Variants in RHOBTB1 observed in about 807,000 individuals in gnomAD.
RHOBTB1 encodes rho-related BTB domain-containing protein 1.
RHOBTB1 carries 40 observed loss-of-function variants against 71.6 expected under a neutral mutation model. The ratio of observed to expected loss-of-function variants is 0.56; its 90% confidence interval spans 0.43 to 0.73. The LOEUF (loss-of-function observed/expected upper bound fraction) is 0.73, where lower values mean the gene tolerates loss of function less well. RHOBTB1 is among the 30% of genes least tolerant of loss of function. RHOBTB1 has a pLI of 0.00. For synonymous variants in RHOBTB1, 319 were observed against 334.9 expected (o/e 0.95, Z 0.52); for missense variants, 797 against 894.0 (o/e 0.89, Z 1.38).
At position 60,882,580 on chromosome 10, in the gene RHOBTB1, C is replaced by A. The variant is rs575237062; in HGVS notation, c.1575+3532G>T. Among the ~76,000 whole-genome samples the A allele has an allele frequency of 4.1e-5, 6 of 147,016 alleles. No homozygotes were observed. The East Asian group carries it at 6.3e-4, about 16-fold the overall frequency. Reference sequence around the variant, plus strand: ...TCTTTTCTGGATATGCACATTAATTCTATTAATTCTCCAAAAAAGGCTGAT... The same window carrying A: ...TCTTTTCTGGATATGCACATTAATTATATTAATTCTCCAAAAAAGGCTGAT... On this transcript the variant is annotated intron_variant, in intron 7 of 10. Coordinates refer to ENST00000337910, the MANE Select transcript of RHOBTB1 (RefSeq NM_014836.5).
chr10:60,966,282 C>G (rs1167954462), intron 2 of RHOBTB1, among the ~76,000 whole-genome samples: 1 of 149,292 alleles, frequency 6.7e-6, no homozygotes, highest in Admixed American at 6.7e-5. Flanking sequence ...TTCAGGTTAT[C>G]AAAGCAATTC....
At chr10:60,885,955 GAGCAAT>G (rs1184090550) in intron 7 of RHOBTB1, among the ~76,000 whole-genome samples, 151 bp downstream of exon 7, 1 of 152,148 alleles carries the variant, frequency 6.6e-6, no homozygotes, top group Non-Finnish European at 1.5e-5. Context: ...CACTACTAAG[GAGCAAT>G]AGCTCCTTAT....
At chr10:60,965,106 C>T (rs968503349) in intron 2 of RHOBTB1, among the ~76,000 whole-genome samples, 18 of 152,016 alleles carry the variant, frequency 1.2e-4, no homozygotes, top group Non-Finnish European at 4.4e-5. Flanking sequence ...TATGCCATTA[C>T]TTATCAGATA....
At chr10:60,961,763 A>C (rs1270865583) in intron 2 of RHOBTB1, among the ~76,000 whole-genome samples, 1 of 151,592 alleles carries the variant, frequency 6.6e-6, no homozygotes, top group Non-Finnish European at 1.5e-5. Context: ...TTCTATGAAT[A>C]TATTATTGCA....
At chr10:60,939,381 A>G (rs1184479684) in intron 2 of RHOBTB1, among the ~76,000 whole-genome samples, 1 of 152,036 alleles carries the variant, frequency 6.6e-6, no homozygotes, top group Admixed American at 6.6e-5. Context: ...CTATTTGTTT[A>G]CAAACTAAAA....
intron 1 of RHOBTB1, among the ~76,000 whole-genome samples, chr10:60,987,539 C>G (rs894111184): frequency 2.6e-5 from 4 of 152,176 alleles, no homozygotes; most frequent in Non-Finnish European, 5.9e-5. Flanking sequence ...TCCAAGGTCA[C>G]TGTCATAGTT....
intron 2 of RHOBTB1, among the ~76,000 whole-genome samples, chr10:60,977,201 G>T (rs923660184): frequency 6.6e-6 from 1 of 152,020 alleles, no homozygotes; most frequent in Non-Finnish European, 1.5e-5. Context: ...TATTAGCTGA[G>T]TCAGTGCTTA....
intron 8 of RHOBTB1, 116 bp downstream of exon 8, chr10:60,877,792 C>A: frequency 7.4e-6 from 7 of 949,988 alleles, no homozygotes; most frequent in Non-Finnish European, 1.1e-5. Context: ...CTACACAAGA[C>A]AGTCCTATTT....
At chr10:60,933,905 C>G (rs558383075) in intron 2 of RHOBTB1, among the ~76,000 whole-genome samples, 2 of 152,108 alleles carry the variant, frequency 1.3e-5, no homozygotes, top group East Asian at 3.9e-4. Context: ...CAGAATAACA[C>G]CACTCCTTAA....
intron 4 of RHOBTB1, among the ~76,000 whole-genome samples, chr10:60,907,910 C>T (rs1292748380): frequency 6.6e-6 from 1 of 152,098 alleles, no homozygotes; most frequent in Non-Finnish European, 1.5e-5. Flanking sequence ...AAGAACTCAA[C>T]CTTTTACTCA....
intron 4 of RHOBTB1, among the ~76,000 whole-genome samples, chr10:60,910,425 A>G (rs2082906736): frequency 6.6e-6 from 1 of 152,108 alleles, no homozygotes; most frequent in African/African-American, 2.4e-5. Flanking sequence ...ACCTTCTAAT[A>G]AAAATAATAG....
At chr10:60,975,652 T>G (rs1441353541) in intron 2 of RHOBTB1, among the ~76,000 whole-genome samples, 2 of 152,054 alleles carry the variant, frequency 1.3e-5, no homozygotes, top group African/African-American at 4.8e-5. Context: ...GAATACCTGA[T>G]TATACATAAA....
intron 4 of RHOBTB1, among the ~76,000 whole-genome samples, chr10:60,901,832 C>T (rs2082426697): frequency 6.6e-6 from 1 of 152,212 alleles, no homozygotes; most frequent in South Asian, 2.1e-4. Flanking sequence ...TGCATATATT[C>T]CTTATTCTCT....
At chr10:61,000,472 G>A (rs2087222294) in intron 1 of RHOBTB1, among the ~76,000 whole-genome samples, 1 of 152,002 alleles carries the variant, frequency 6.6e-6, no homozygotes, top group Admixed American at 6.6e-5. Flanking sequence ...GTAATACAGC[G>A]CATAAAAAGG....
intron 4 of RHOBTB1, among the ~76,000 whole-genome samples, chr10:60,902,392 CTCA>C (rs1386519042): frequency 6.6e-6 from 1 of 152,126 alleles, no homozygotes; most frequent in Non-Finnish European, 1.5e-5. Context: ...ACTTAATGCT[CTCA>C]TCTTTAGGCA....
At chr10:60,912,919 A>G (rs1564930621) in intron 2 of RHOBTB1, 1 of 152,246 alleles carries the variant, frequency 6.6e-6, no homozygotes, top group Non-Finnish European at 1.5e-5. Context: ...CAAAAGGCTG[A>G]CAAGCAATGG....
chr10:60,945,242 G>A (rs149645985), upstream of RHOBTB1, among the ~76,000 whole-genome samples: 1,486 of 152,218 alleles, frequency 9.8e-3, 16 homozygotes, highest in Non-Finnish European at 0.014. Flanking sequence ...GATCACTGGG[G>A]AATAAAGACA....
chr10:60,874,915 T>G (rs1271667415), intron 9 of RHOBTB1, 39 bp downstream of exon 9: 4 of 1,338,740 alleles, frequency 3.0e-6, no homozygotes, highest in Non-Finnish European at 4.3e-6. Context: ...ATGAACTGAT[T>G]GAACACACTT....
intron 2 of RHOBTB1, among the ~76,000 whole-genome samples, chr10:60,911,930 T>A (rs971706211): frequency 1.3e-5 from 2 of 152,140 alleles, no homozygotes; most frequent in African/African-American, 2.4e-5. Flanking sequence ...CGGTCACCTG[T>A]AGGGCTGAAC....
Sources: allele counts gnomAD v4.1 joint callset (sites outside exome capture counted in the v4.1 genomes callset), GRCh38; gene constraint gnomAD v4.1.1; transcripts MANE v1.5; gene names NCBI Gene and HGNC (gene_info 2026-07-23, HGNC 2026-07-21).